CFAP54: variants seen among roughly 807,000 people sequenced by gnomAD.
CFAP54 encodes the protein cilia- and flagella-associated protein 54.
A neutral mutation model predicts 370.4 loss-of-function variants in CFAP54; 290 were observed. That is an observed-to-expected ratio of 0.78 (90% CI 0.71 to 0.86). The LOEUF (loss-of-function observed/expected upper bound fraction) is 0.86. Ranked by LOEUF, CFAP54 falls within the 40% of genes least tolerant of loss-of-function variation. The pLI is 0.00. For synonymous variants in CFAP54, 1,206 were observed against 1,236.5 expected (o/e 0.98, Z 0.52); for missense variants, 3,399 against 3,528.7 (o/e 0.96, Z 0.93).
intron 66 of CFAP54, among the ~76,000 whole-genome samples, chr12:96,831,016 A>G (rs1210526427): frequency 6.6e-6 from 1 of 152,190 alleles, no homozygotes; most frequent in Non-Finnish European, 1.5e-5. Context: ...AATGGTTAAA[A>G]GCGTGACAAG....
intron 15 of CFAP54, among the ~76,000 whole-genome samples, chr12:96,550,944 A>T (rs960880308): frequency 2.0e-5 from 3 of 152,156 alleles, no homozygotes; most frequent in African/African-American, 7.2e-5. Flanking sequence ...GAACCTACAA[A>T]AGATTATATC....
chr12:96,812,441 C>A (rs1446570229), intron 64 of CFAP54, among the ~76,000 whole-genome samples: 2 of 152,048 alleles, frequency 1.3e-5, no homozygotes, highest in African/African-American at 4.8e-5. Context: ...TTCACTTTAC[C>A]AATTTCCCTG....
chr12:96,624,221 T>A (rs1956528677), intron 28 of CFAP54, among the ~76,000 whole-genome samples: 1 of 152,170 alleles, frequency 6.6e-6, no homozygotes, highest in African/African-American at 2.4e-5. Flanking sequence ...TCCTTGGCAC[T>A]GTATGATATT....
At chr12:96,495,439 G>A (rs1954940601) in intron 1 of CFAP54, among the ~76,000 whole-genome samples, 2 of 150,954 alleles carry the variant, frequency 1.3e-5, no homozygotes, top group South Asian at 4.2e-4. Flanking sequence ...CCTCAGCCTC[G>A]TTGGTAGCTG....
intron 39 of CFAP54, among the ~76,000 whole-genome samples, chr12:96,670,399 A>AT (rs1331225218): frequency 1.3e-5 from 2 of 152,112 alleles, no homozygotes; most frequent in African/African-American, 4.8e-5. Flanking sequence ...TATTGTCTCT[A>AT]TTTTTCAGGC....
chr12:96,613,946 G>A (rs1002395966), intron 26 of CFAP54, among the ~76,000 whole-genome samples: 10 of 151,652 alleles, frequency 6.6e-5, no homozygotes, highest in African/African-American at 1.5e-4. Flanking sequence ...AAGGAGGAGC[G>A]GGTACCATTC....
At chr12:96,661,733 C>G (rs1165103988) in intron 38 of CFAP54, among the ~76,000 whole-genome samples, 2 of 152,178 alleles carry the variant, frequency 1.3e-5, no homozygotes, top group African/African-American at 4.8e-5. Context: ...GTTTGATTGA[C>G]TAACGGGGGT....
At chr12:96,565,976 G>C (rs1410401060) in intron 19 of CFAP54, among the ~76,000 whole-genome samples, 1 of 152,180 alleles carries the variant, frequency 6.6e-6, no homozygotes, top group African/African-American at 2.4e-5. Flanking sequence ...GTTCTCGCAA[G>C]ATCTGATAGT....
intron 9 of CFAP54, among the ~76,000 whole-genome samples, chr12:96,528,207 C>T (rs1955404425): frequency 6.6e-6 from 1 of 151,610 alleles, no homozygotes; most frequent in Non-Finnish European, 1.5e-5. Context: ...ACAGATGTTT[C>T]TTGTATTCCT....
At chr12:96,799,639 A>G (rs904116290) in intron 63 of CFAP54, among the ~76,000 whole-genome samples, 2 of 152,240 alleles carry the variant, frequency 1.3e-5, no homozygotes, top group Non-Finnish European at 2.9e-5. Context: ...AAACTTTAGC[A>G]TATAACTCTC....
chr12:96,769,299 G>A (rs1348832401), intron 60 of CFAP54, among the ~76,000 whole-genome samples: 1 of 152,196 alleles, frequency 6.6e-6, no homozygotes, highest in Non-Finnish European at 1.5e-5. Context: ...GGTCCCAGAT[G>A]CAGCCTCTTA....
chr12:96,599,626 C>T (rs1200654888), intron 26 of CFAP54, among the ~76,000 whole-genome samples: 1 of 152,200 alleles, frequency 6.6e-6, no homozygotes, highest in Non-Finnish European at 1.5e-5. Context: ...CTCCCATCAA[C>T]AGTGTAAAAA....
intron 32 of CFAP54, among the ~76,000 whole-genome samples, chr12:96,631,007 GT>G: frequency 6.6e-6 from 1 of 151,722 alleles, no homozygotes; most frequent in Non-Finnish European, 1.5e-5. Context: ...TTTAGTTTCT[GT>G]TTTTTTAAGT....
intron 66 of CFAP54, among the ~76,000 whole-genome samples, chr12:96,855,709 G>GC (rs1348798533): frequency 6.6e-6 from 1 of 152,236 alleles, no homozygotes; most frequent in Non-Finnish European, 1.5e-5. Context: ...GCAGGGTATA[G>GC]CCCCCCTCTT....
chr12:96,830,217 T>TTA (rs1959166515), intron 66 of CFAP54, among the ~76,000 whole-genome samples: 4 of 152,318 alleles, frequency 2.6e-5, no homozygotes, highest in African/African-American at 9.6e-5. Context: ...TTTCAAATCT[T>TTA]TAGCACAATT....
chr12:96,748,357 G>C (rs1489751745), intron 55 of CFAP54, among the ~76,000 whole-genome samples: 1 of 151,958 alleles, frequency 6.6e-6, no homozygotes, highest in Admixed American at 6.6e-5. Context: ...CCTTTTTAAA[G>C]AAACTCTATT....
chr12:96,571,819 T>C (rs1955920918), intron 19 of CFAP54, among the ~76,000 whole-genome samples: 1 of 152,228 alleles, frequency 6.6e-6, no homozygotes, highest in East Asian at 1.9e-4. Context: ...AAAATCTTAT[T>C]AGCAGCTCAA....
chr12:96,740,231 C>G (rs1958036121), intron 51 of CFAP54, among the ~76,000 whole-genome samples, 170 bp downstream of exon 51: 1 of 151,948 alleles, frequency 6.6e-6, no homozygotes, highest in Non-Finnish European at 1.5e-5. Context: ...ATTGGTATAC[C>G]TTGGACAAAT....
intron 17 of CFAP54, among the ~76,000 whole-genome samples, chr12:96,559,342 A>G (rs1262943496): frequency 6.6e-6 from 1 of 152,216 alleles, no homozygotes; most frequent in Admixed American, 6.5e-5. Context: ...TATGCATTGC[A>G]TATCTGTATT....
Sources: allele counts gnomAD v4.1 joint callset (sites outside exome capture counted in the v4.1 genomes callset), GRCh38; gene constraint gnomAD v4.1.1; transcripts MANE v1.5; gene names NCBI Gene and HGNC (gene_info 2026-07-23, HGNC 2026-07-21).